Variants in CDH12 observed in about 807,000 individuals in gnomAD.
The protein encoded by CDH12 is cadherin-12.
A neutral mutation model predicts 74.1 loss-of-function variants in CDH12; 41 were observed. The observed-to-expected ratio is 0.55, with a 90% CI of 0.43 to 0.72. The LOEUF is 0.72. CDH12 is among the 30% of genes least tolerant of loss of function. CDH12 has a pLI of 0.00. For synonymous variants in CDH12, 399 were observed against 355.0 expected (o/e 1.12, Z -1.39); for missense variants, 945 against 977.2 (o/e 0.97, Z 0.44).
chr5:22,206,245 G>A (rs1415289087), intron 4 of CDH12, among the ~76,000 whole-genome samples: 2 of 152,078 alleles, frequency 1.3e-5, no homozygotes, highest in Middle Eastern at 3.2e-3. Flanking sequence ...TCTCTGGCAG[G>A]TTGTCAGAAA....
intron 6 of CDH12, chr5:21,889,650 C>T (rs1345801335): frequency 2.0e-6 from 2 of 984,828 alleles, no homozygotes; most frequent in African/African-American, 3.5e-5. Flanking sequence ...CTTTCCATGC[C>T]ATCAGTATCC....
chr5:22,562,976 A>C (rs937872158), intron 1 of CDH12, among the ~76,000 whole-genome samples: 1 of 147,718 alleles, frequency 6.8e-6, no homozygotes, highest in South Asian at 2.1e-4. Context: ...ATGTTTATTT[A>C]AATATAAATT....
At chr5:22,012,533 T>G (rs1737363476) in intron 5 of CDH12, among the ~76,000 whole-genome samples, 1 of 152,172 alleles carries the variant, frequency 6.6e-6, no homozygotes. Context: ...GGTGAAAAGC[T>G]TTTACTCTGA....
At chr5:21,950,054 A>T (rs1755779680) in intron 6 of CDH12, among the ~76,000 whole-genome samples, 1 of 152,174 alleles carries the variant, frequency 6.6e-6, no homozygotes. Context: ...AATCAGGTAT[A>T]CCATTTTTGA....
chr5:21,879,748 T>G (rs1184806508), intron 6 of CDH12, among the ~76,000 whole-genome samples: 1 of 151,620 alleles, frequency 6.6e-6, no homozygotes, highest in East Asian at 1.9e-4. Context: ...TAAGGGAGAG[T>G]GAATTATAGC....
intron 5 of CDH12, among the ~76,000 whole-genome samples, chr5:22,007,669 T>C (rs1033263253): frequency 1.3e-5 from 2 of 152,156 alleles, no homozygotes; most frequent in African/African-American, 2.4e-5. Context: ...TGTAAATAAA[T>C]GTATAGAGAT....
chr5:22,399,248 T>C (rs1742606413), intron 3 of CDH12, among the ~76,000 whole-genome samples: 1 of 151,782 alleles, frequency 6.6e-6, no homozygotes, highest in Admixed American at 6.6e-5. Context: ...TCTAAACAAG[T>C]AGTGTAACAT....
intron 2 of CDH12, among the ~76,000 whole-genome samples, chr5:22,480,554 G>A (rs1036315928): frequency 1.5e-4 from 22 of 149,450 alleles, no homozygotes; most frequent in Non-Finnish European, 2.7e-4. Context: ...CACTGCACTC[G>A]AGTGTGGGCA....
At chr5:22,531,671 A>C (rs768020167) in intron 1 of CDH12, among the ~76,000 whole-genome samples, 1 of 152,112 alleles carries the variant, frequency 6.6e-6, no homozygotes, top group African/African-American at 2.4e-5. Flanking sequence ...CCAGAAAAAT[A>C]ATATGTAGAT....
chr5:22,582,161 C>T (rs1580786612), intron 1 of CDH12, among the ~76,000 whole-genome samples: 2 of 152,290 alleles, frequency 1.3e-5, no homozygotes, highest in African/African-American at 4.8e-5. Context: ...TACTTATGCC[C>T]TCACCATCAT....
chr5:21,896,281 C>T (rs1046298738), intron 6 of CDH12, among the ~76,000 whole-genome samples: 2 of 152,174 alleles, frequency 1.3e-5, no homozygotes, highest in Non-Finnish European at 2.9e-5. Flanking sequence ...TGGAATTCCT[C>T]TTATAAACCA....
At chr5:22,837,200 C>T (rs556751795) in intron 1 of CDH12, among the ~76,000 whole-genome samples, 101 of 152,218 alleles carry the variant, frequency 6.6e-4, no homozygotes, top group Non-Finnish European at 7.4e-4. Context: ...AGGAGGATCG[C>T]TTGAGCTCAG....
At chr5:22,652,016 G>A (rs1580852698) in intron 1 of CDH12, among the ~76,000 whole-genome samples, 1 of 152,080 alleles carries the variant, frequency 6.6e-6, no homozygotes, top group Non-Finnish European at 1.5e-5. Context: ...AAATGTGATA[G>A]ATGGTTAAAA....
At chr5:22,424,171 A>T (rs1743793833) in intron 2 of CDH12, among the ~76,000 whole-genome samples, 1 of 152,040 alleles carries the variant, frequency 6.6e-6, no homozygotes, top group East Asian at 1.9e-4. Context: ...ATTCACCACA[A>T]ATTCTTCCTC....
intron 3 of CDH12, among the ~76,000 whole-genome samples, chr5:22,318,183 G>GT (rs1178546312): frequency 6.6e-6 from 1 of 152,182 alleles, no homozygotes; most frequent in Non-Finnish European, 1.5e-5. Context: ...GTCCTCATGT[G>GT]TTTAAGTTTC....
At chr5:22,062,257 C>T (rs904948978) in intron 5 of CDH12, among the ~76,000 whole-genome samples, 1 of 151,986 alleles carries the variant, frequency 6.6e-6, no homozygotes, top group Non-Finnish European at 1.5e-5. Flanking sequence ...CAGCTAGATG[C>T]AATAAATAAA....
intron 4 of CDH12, among the ~76,000 whole-genome samples, chr5:22,184,039 A>G (rs2150340014): frequency 6.6e-6 from 1 of 152,262 alleles, no homozygotes; most frequent in Admixed American, 6.5e-5. Context: ...AAAAATTACA[A>G]AGTATGGAAT....
chr5:22,290,508 A>T (rs1468715157), intron 3 of CDH12, among the ~76,000 whole-genome samples: 1 of 152,202 alleles, frequency 6.6e-6, no homozygotes, highest in Non-Finnish European at 1.5e-5. Context: ...GAATGAAACC[A>T]AAAATGCAAT....
intron 1 of CDH12, among the ~76,000 whole-genome samples, chr5:22,625,200 A>G (rs541236385): frequency 7.2e-5 from 11 of 152,148 alleles, no homozygotes; most frequent in Admixed American, 2.6e-4. Context: ...TAGGAGATAT[A>G]CCTAATATAA....
Sources: allele counts gnomAD v4.1 joint callset (sites outside exome capture counted in the v4.1 genomes callset), GRCh38; gene constraint gnomAD v4.1.1; transcripts MANE v1.5; gene names NCBI Gene and HGNC (gene_info 2026-07-23, HGNC 2026-07-21).